CCDC88C: variants seen among roughly 807,000 people sequenced by gnomAD.
CCDC88C encodes the protein coiled-coil and HOOK domain protein 88C, also known as protein Daple.
A neutral mutation model predicts 198.8 loss-of-function variants in CCDC88C; 131 were observed. The ratio of observed to expected loss-of-function variants is 0.66; its 90% CI spans 0.57 to 0.76. CCDC88C has a LOEUF of 0.76. Ranked by LOEUF, CCDC88C falls within the 30% of genes least tolerant of loss-of-function variation. The probability of loss-of-function intolerance (pLI) is 0.00; values close to 1 mark genes in which losing one functional copy is unlikely to be tolerated. For missense variants in CCDC88C, 2,553 were observed against 2,631.6 expected (o/e 0.97, Z 0.65); for synonymous variants, 1,166 against 1,114.7 (o/e 1.05, Z -0.92).
At chr14:91,409,035 C>G (rs1010640074) in intron 2 of CCDC88C, among the ~76,000 whole-genome samples, 12 of 152,116 alleles carry the variant, frequency 7.9e-5, no homozygotes, top group African/African-American at 2.9e-4. Flanking sequence ...GTTCCTAGCA[C>G]CCACAAAAAC....
At chr14:91,416,638 C>G (rs942215719) in intron 2 of CCDC88C, 100 bp downstream of exon 2, 5 of 848,586 alleles carry the variant, frequency 5.9e-6, no homozygotes, top group East Asian at 2.6e-5. Flanking sequence ...AACTACCCCC[C>G]ACCCCACACA....
intron 4 of CCDC88C, among the ~76,000 whole-genome samples, chr14:91,353,714 T>G (rs984606914): frequency 2.0e-4 from 31 of 152,188 alleles, no homozygotes; most frequent in African/African-American, 7.5e-4. Context: ...CTCTTCAGGG[T>G]GCTTCCTCTG....
At chr14:91,315,137 C>A (rs985373460) in intron 14 of CCDC88C, among the ~76,000 whole-genome samples, 1 of 152,082 alleles carries the variant, frequency 6.6e-6, no homozygotes, top group Non-Finnish European at 1.5e-5. Flanking sequence ...CTTTCTCCTG[C>A]TTGTACCTTA....
intron 26 of CCDC88C, among the ~76,000 whole-genome samples, chr14:91,282,373 G>A (rs1286240717): frequency 1.3e-5 from 2 of 152,184 alleles, no homozygotes; most frequent in African/African-American, 4.8e-5. Context: ...TCCTTCAGCT[G>A]TTTCTTTGGA....
chr14:91,314,105 A>G lies in CCDC88C; in HGVS notation c.1711T>C (p.Trp571Arg). The part of the protein sequence containing the change: ...QEKDHLNRAM[W>R]SLRERSQVSS... ...ACCTGCGACCTCTCCCGCAGCGACC[A>G]CATGGCTCGGTTGAGGTGGTCCTTT... The change falls in exon 15 of 30, where the codon TGG becomes CGG. Residue 571 changes from tryptophan to arginine, a missense_variant. Transcript: ENST00000389857. 1.9e-6 allele frequency: 3 copies of G among 1,613,484 alleles called. No homozygotes were observed. Among genetic ancestry groups the G allele is most frequent in the Non-Finnish European group, 2.5e-6 (3 of 1,179,788 alleles).
At position 91,289,149 on chromosome 14, in the gene CCDC88C, T is replaced by A; in HGVS notation, c.4397A>T (p.Asn1466Ile). Residue 1466 changes from asparagine to isoleucine, a missense_variant, in exon 25 of 30, where the codon AAC becomes ATC. Around this residue, in one of 2 missense-constraint regions of CCDC88C, gnomAD observed 1,293 missense variants for 1,219.6 expected, o/e 1.06. Transcript: ENST00000389857. ...GTGGGCGTCGCGCTCTTCTGCACAG[T>A]TGGAGCCCAGTGCGGGGGTGTCGGG... is the stretch of plus-strand genomic sequence containing the variant. ...ENPDTPALGS[N>I]CAEERDAHNG... 6.2e-7 allele frequency: 1 copy of A among 1,613,630 alleles called. No individual in the cohort carries two copies. Among genetic ancestry groups the A allele is most frequent in the African/African-American group, 1.3e-5 (1 of 75,056 alleles).
chr14:91,285,930 G>T, intron 25 of CCDC88C: 1 of 706,122 alleles, frequency 1.4e-6, no homozygotes, highest in Non-Finnish European at 2.0e-6. Flanking sequence ...ATCGAAATTA[G>T]CTAAATGTAC....
rs1889842629 is a variant in CCDC88C at position 91,273,712 on chromosome 14, C to G, written c.5059-59G>C. 7.3e-7 allele frequency: 1 copy of G among 1,373,360 alleles called. No individual in the cohort carries two copies. The highest frequency in any genetic ancestry group is 9.5e-7 in the Non-Finnish European group (1 of 1,049,008). 85.1% of individuals were successfully genotyped at this position (1,373,360 alleles called of 1,614,324 possible). On this transcript the variant is annotated intron_variant, in intron 29 of 29. Transcript: ENST00000389857. This position sits in a 1 kb window ranked among gnomAD's most constrained non-coding sequence, Gnocchi z 5.6. ...ATGAGGGTTGGGTGGGTCCTTGGAG[C>G]CGCCTCCTGCGCGGGACGCCCCCGA...
chr14:91,314,853 G>C (rs1325128322), intron 14 of CCDC88C, among the ~76,000 whole-genome samples: 4 of 152,138 alleles, frequency 2.6e-5, no homozygotes, highest in Non-Finnish European at 4.4e-5. Flanking sequence ...TAAAATACTT[G>C]GGGCCAGTGA....
intron 6 of CCDC88C, among the ~76,000 whole-genome samples, chr14:91,340,240 A>G (rs1313652553): frequency 3.9e-5 from 6 of 152,196 alleles, no homozygotes; most frequent in Non-Finnish European, 8.8e-5. Context: ...TGGGTCAGAG[A>G]GGATGCTGAT....
intron 17 of CCDC88C, 53 bp downstream of exon 17, chr14:91,308,298 G>T: frequency 6.2e-7 from 1 of 1,604,838 alleles, no homozygotes; most frequent in Non-Finnish European, 8.5e-7. Flanking sequence ...GGGCTGGAAA[G>T]GGTGAGGCTG....
At chr14:91,290,597 C>A (rs1890618917) in intron 24 of CCDC88C, among the ~76,000 whole-genome samples, 1 of 152,198 alleles carries the variant, frequency 6.6e-6, no homozygotes, top group Admixed American at 6.5e-5. Flanking sequence ...CATTTGAAGA[C>A]CATGGGGGCT....
At chr14:91,294,060 G>T in intron 23 of CCDC88C, 113 bp downstream of exon 23, 1 of 1,218,336 alleles carries the variant, frequency 8.2e-7, no homozygotes. Context: ...CTGCCCTCAG[G>T]ATCCCAACGG....
chr14:91,273,017 G>A lies in CCDC88C; in HGVS notation c.5695C>T (p.Leu1899=), dbSNP rs768042129. ...GCGGGGGCTGTGGCAGACTGATGCAGGGGGGCCAGCCTCTCCTCCTTTGGG... is the reference window on the plus strand; with the variant it reads ...GCGGGGGCTGTGGCAGACTGATGCAAGGGGGCCAGCCTCTCCTCCTTTGGG... ...APPKEERLAP[L]HQSATAPAIA... The change falls in exon 30 of 30, where the codon CTG becomes TTG. Residue 1899 remains leucine, a synonymous_variant. Transcript: ENST00000389857. This position sits in a 1 kb window ranked among gnomAD's most constrained non-coding sequence, Gnocchi z 5.6. 1 of 1,554,402 alleles carries A rather than the reference G, an allele frequency of 6.4e-7. No homozygotes were observed. The highest frequency in any genetic ancestry group is 8.7e-7 in the Non-Finnish European group (1 of 1,154,840).
chr14:91,330,777 A>G (rs1285767), intron 10 of CCDC88C, among the ~76,000 whole-genome samples: 50,110 of 151,770 alleles, frequency 0.33, 9,662 homozygotes, highest in East Asian at 0.48. Flanking sequence ...GTCTCTGGAT[A>G]ACCCGGGTAC....
intron 4 of CCDC88C, among the ~76,000 whole-genome samples, chr14:91,358,150 G>A (rs144627493): frequency 9.8e-5 from 15 of 152,304 alleles, no homozygotes; most frequent in East Asian, 7.7e-4. Context: ...TTCTCAGGGC[G>A]GTGGCACTAA....
chr14:91,286,298 C>T (rs998657021), intron 25 of CCDC88C, among the ~76,000 whole-genome samples: 10 of 152,138 alleles, frequency 6.6e-5, no homozygotes, highest in African/African-American at 9.7e-5. Flanking sequence ...CGTTTCAGGG[C>T]GCTGTAATCA....
At chr14:91,347,387 A>G in intron 4 of CCDC88C, among the ~76,000 whole-genome samples, 1 of 152,168 alleles carries the variant, frequency 6.6e-6, no homozygotes, top group Non-Finnish European at 1.5e-5. Context: ...AGGCTCACTG[A>G]TGGTGTTCTG....
chr14:91,290,447 G>A (rs1036731321), intron 24 of CCDC88C, among the ~76,000 whole-genome samples: 4 of 152,358 alleles, frequency 2.6e-5, no homozygotes, highest in East Asian at 1.9e-4. Flanking sequence ...GGCTCAGGCC[G>A]TGGACAAGGG....
Sources: allele counts gnomAD v4.1 joint callset (sites outside exome capture counted in the v4.1 genomes callset), GRCh38; gene constraint gnomAD v4.1.1; regional missense constraint gnomAD v4.1.1; non-coding constraint Gnocchi (gnomAD v3.1); transcripts MANE v1.5; gene names NCBI Gene and HGNC (gene_info 2026-07-23, HGNC 2026-07-21).